ATF7: variants seen among roughly 807,000 people sequenced by gnomAD.
The protein encoded by ATF7 is activating transcription factor 7, also known as cyclic AMP-dependent transcription factor ATF-7.
ATF7 carries 10 observed loss-of-function variants against 50.4 expected under a neutral mutation model. The ratio of observed to expected loss-of-function variants is 0.20; its 90% CI spans 0.12 to 0.34. The LOEUF is 0.34. Ranked by LOEUF, ATF7 falls within the 10% of genes least tolerant of loss-of-function variation. The pLI is 1.00. For missense variants in ATF7, 465 were observed against 613.9 expected, an observed-to-expected ratio of 0.76 and a Z score of 2.56; for synonymous variants, 201 against 226.4, an observed-to-expected ratio of 0.89 and a Z score of 1.01.
Position 53,523,257 on chromosome 12 carries a change from T to G in ATF7, c.1234+19A>C. ...AGTTTACTGACTGACTGACTTAGCT[T>G]AGGTTGTGTGCCACTCACCTAAATA... On this transcript the variant is annotated intron_variant, in intron 11 of 11. Transcript: ENST00000420353. 1.3e-6 allele frequency: 2 copies of G among 1,540,218 alleles called. No individual in the cohort carries two copies. Among genetic ancestry groups the G allele is most frequent in the Non-Finnish European group, 1.8e-6 (2 of 1,113,234 alleles).
chr12:53,581,090 C>T (rs1050857914), intron 2 of ATF7, among the ~76,000 whole-genome samples: 32 of 148,746 alleles, frequency 2.2e-4, no homozygotes, highest in African/African-American at 7.4e-4. Flanking sequence ...CCAGCCTGGG[C>T]GACAGAGCAA....
chr12:53,575,323 C>T (rs1942003515), intron 2 of ATF7, among the ~76,000 whole-genome samples: 1 of 151,836 alleles, frequency 6.6e-6, no homozygotes, highest in Non-Finnish European at 1.5e-5. Context: ...AGGAGAATCG[C>T]TTGAACCCAG....
At chr12:53,572,550 T>A (rs989295029) in intron 2 of ATF7, among the ~76,000 whole-genome samples, 6 of 152,178 alleles carry the variant, frequency 3.9e-5, no homozygotes, top group African/African-American at 1.4e-4. Context: ...GGAAATTTCT[T>A]GTGCTTTTGG....
At chr12:53,573,382 G>A (rs950381070) in intron 2 of ATF7, among the ~76,000 whole-genome samples, 2 of 152,122 alleles carry the variant, frequency 1.3e-5, no homozygotes, top group African/African-American at 4.8e-5. Flanking sequence ...CATATAAAAT[G>A]TGCATATCCT....
Position 53,534,641 on chromosome 12 carries a change from C to G in ATF7, c.421G>C (p.Val141Leu). The change falls in exon 6 of 12, where the codon GTT becomes CTT. Residue 141 changes from valine to leucine, a missense_variant. Transcript: ENST00000420353. ...GTGGGTGTGGGGGTAGAGATCAGAACAGGCTTTGGGGTAACCTCCTGGAGA... is the reference window on the plus strand; with the variant it reads ...GTGGGTGTGGGGGTAGAGATCAGAAGAGGCTTTGGGGTAACCTCCTGGAGA... Reference protein sequence around the residue: ...LKEKEVTPKPVLISTPTPTIV... With the variant: ...LKEKEVTPKPLLISTPTPTIV... The G allele has an allele frequency of 6.2e-7, 1 of 1,612,236 alleles. No homozygotes were observed. The highest frequency in any genetic ancestry group is 8.5e-7 in the Non-Finnish European group (1 of 1,179,398).
intron 4 of ATF7, among the ~76,000 whole-genome samples, chr12:53,539,167 G>A (rs757948723): frequency 2.6e-4 from 40 of 152,192 alleles, no homozygotes; most frequent in South Asian, 8.3e-4. Flanking sequence ...TGAGGAAAGG[G>A]CTGACTATAA....
intron 11 of ATF7, among the ~76,000 whole-genome samples, chr12:53,521,483 C>T (rs1313104739): frequency 6.6e-6 from 1 of 152,146 alleles, no homozygotes; most frequent in East Asian, 1.9e-4. Flanking sequence ...AGGTACCTTG[C>T]GACTTTGCAT....
rs545704411 is a variant in ATF7 at position 53,546,636 on chromosome 12, G to A, written c.146-3188C>T. Among the ~76,000 whole-genome samples, 127 of 151,882 alleles carry A rather than the reference G, an allele frequency of 8.4e-4. 1 individual carries two copies. Among genetic ancestry groups the A allele is most frequent in the African/African-American group, 2.6e-3 (109 of 41,434 alleles). On this transcript the variant is annotated intron_variant, in intron 3 of 11. Coordinates refer to ENST00000420353, the MANE Select transcript of ATF7 (RefSeq NM_006856.3). ...GCTAATTTTTTGTATTTTTAGTAGA[G>A]ACAGGGTTTCACAATGTTGGCCAGG... is the stretch of plus-strand genomic sequence containing the variant.
chr12:53,615,267 C>T (rs1433425317), intron 1 of ATF7, among the ~76,000 whole-genome samples: 1 of 151,932 alleles, frequency 6.6e-6, no homozygotes, highest in Admixed American at 6.6e-5. Flanking sequence ...GCCTGTAGTC[C>T]CAGCTACTCG....
rs188761133 is a variant in ATF7 at position 53,573,976 on chromosome 12, T to A, written c.49-21339A>T. Among the ~76,000 whole-genome samples, 15 of 152,346 alleles carry A rather than the reference T, an allele frequency of 9.8e-5. No individual in the cohort carries two copies. In the East Asian group the frequency reaches 2.9e-3, roughly 29 times the overall value. On this transcript the variant is annotated intron_variant, in intron 2 of 11. Coordinates refer to ENST00000420353, the MANE Select transcript of ATF7 (RefSeq NM_006856.3). ...AGAACACTTCCAGTTCCCCTCCCTG[T>A]CATACCTCATCACAACTTTACTAGG... is the stretch of plus-strand genomic sequence containing the variant.
chr12:53,588,522 A>G (rs12301626), intron 2 of ATF7, among the ~76,000 whole-genome samples: 99 of 152,226 alleles, frequency 6.5e-4, no homozygotes, highest in African/African-American at 2.1e-3. Flanking sequence ...GGCAGCCACC[A>G]GAACAAAAGC....
intron 1 of ATF7, among the ~76,000 whole-genome samples, chr12:53,602,642 A>C (rs1032108109): frequency 1.3e-5 from 2 of 152,226 alleles, no homozygotes; most frequent in African/African-American, 4.8e-5. Flanking sequence ...ATACATGTAC[A>C]TGGATTTATA....
intron 2 of ATF7, among the ~76,000 whole-genome samples, chr12:53,597,765 C>T (rs887770317): frequency 8.0e-5 from 12 of 149,366 alleles, no homozygotes; most frequent in East Asian, 2.0e-4. Flanking sequence ...GCTGATATAG[C>T]GCCACGGCAC....
At chr12:53,548,726 G>A (rs930919186) in intron 3 of ATF7, among the ~76,000 whole-genome samples, 2 of 152,134 alleles carry the variant, frequency 1.3e-5, no homozygotes, top group South Asian at 2.1e-4. Context: ...GGTGGCTCAC[G>A]CCTCCCAGCA....
intron 2 of ATF7, among the ~76,000 whole-genome samples, chr12:53,568,461 T>C (rs1489612357): frequency 1.3e-5 from 2 of 152,142 alleles, no homozygotes; most frequent in African/African-American, 4.8e-5. Flanking sequence ...CAAAATACAG[T>C]ATTAAGCTTT....
At chr12:53,601,357 TGAACGCTC>T (rs1357265774) in intron 1 of ATF7, among the ~76,000 whole-genome samples, 5 of 152,202 alleles carry the variant, frequency 3.3e-5, no homozygotes, top group Admixed American at 3.3e-4. Context: ...ATAAATTCAC[TGAACGCTC>T]GATGCGGAAG....
chr12:53,528,729 C>T (rs1238891653), intron 9 of ATF7, among the ~76,000 whole-genome samples: 1 of 151,790 alleles, frequency 6.6e-6, no homozygotes, highest in Non-Finnish European at 1.5e-5. Context: ...TGCCACTGCA[C>T]TCTAGCCTGG....
At chr12:53,555,968 A>G (rs1348404556) in intron 2 of ATF7, among the ~76,000 whole-genome samples, 1 of 151,668 alleles carries the variant, frequency 6.6e-6, no homozygotes, top group African/African-American at 2.4e-5. Context: ...GGTGCCTGCT[A>G]CCACACTTGG....
At position 53,512,532 on chromosome 12, in the gene ATF7, C is replaced by T. The variant is rs764167605; in HGVS notation, c.*4605G>A. On this transcript the variant is annotated 3_prime_UTR_variant, in exon 12 of 12. Coordinates refer to ENST00000420353, the MANE Select transcript of ATF7 (RefSeq NM_006856.3). ...CAGCCTCCACTCTTGGGGCTGGAAG[C>T]TCATCTCCTCCCTGCCTGAAAGGTG... is the stretch of plus-strand genomic sequence containing the variant. 6.6e-6 allele frequency: 1 copy of T among 152,240 alleles called. No individual in the cohort carries two copies. Among genetic ancestry groups the T allele is most frequent in the Non-Finnish European group, 1.5e-5 (1 of 68,064 alleles). 9.4% of individuals were successfully genotyped at this position (152,240 alleles called of 1,614,324 possible).
Sources: gnomAD v4.1 joint callset for allele counts (sites outside exome capture counted in the v4.1 genomes callset) on GRCh38, gnomAD v4.1.1 for gene constraint, MANE v1.5 for transcripts, NCBI Gene and HGNC (gene_info 2026-07-23, HGNC 2026-07-21) for gene names.